Variants in ABLIM1 observed in about 807,000 individuals in gnomAD.
ABLIM1 encodes the protein actin-binding LIM protein 1.
A neutral mutation model predicts 107.0 loss-of-function variants in ABLIM1; 40 were observed. The observed-to-expected ratio is 0.37, with a 90% CI of 0.29 to 0.49. The LOEUF (loss-of-function observed/expected upper bound fraction) is 0.49, where lower values mean the gene tolerates loss of function less well. Ranked by LOEUF, ABLIM1 falls within the 20% of genes least tolerant of loss-of-function variation. ABLIM1 has a pLI of 0.97. For missense variants in ABLIM1, 857 were observed against 1,008.5 expected (o/e 0.85, Z 2.04); for synonymous variants, 357 against 357.3 (o/e 1.00, Z 0.01).
chr10:114,578,409 G>T (rs1239986349), intron 2 of ABLIM1, among the ~76,000 whole-genome samples: 26 of 141,402 alleles, frequency 1.8e-4, no homozygotes, highest in Non-Finnish European at 3.2e-4. Context: ...ATTTTCTGTT[G>T]TTTTTTTTTT....
At chr10:114,727,468 G>A (rs2081984021) in intron 1 of ABLIM1, among the ~76,000 whole-genome samples, 2 of 151,936 alleles carry the variant, frequency 1.3e-5, no homozygotes, top group Admixed American at 1.3e-4. Flanking sequence ...AAAAAAGGCT[G>A]GATAACCACT....
upstream of ABLIM1, among the ~76,000 whole-genome samples, chr10:114,772,482 C>A (rs1272205020): frequency 6.6e-6 from 1 of 152,030 alleles, no homozygotes; most frequent in Non-Finnish European, 1.5e-5. Context: ...TGGCTTGTGC[C>A]TGTAGTCCCA....
At chr10:114,546,055 T>A (rs900772456) in intron 5 of ABLIM1, among the ~76,000 whole-genome samples, 3 of 151,274 alleles carry the variant, frequency 2.0e-5, no homozygotes, top group African/African-American at 7.3e-5. Flanking sequence ...AGACACCACC[T>A]CCTCAGCTCT....
chr10:114,452,636 T>G (rs1296270555), intron 13 of ABLIM1, among the ~76,000 whole-genome samples: 1 of 152,196 alleles, frequency 6.6e-6, no homozygotes, highest in South Asian at 2.1e-4. Context: ...CAAAAAACAA[T>G]ATACTGCTGG....
At position 114,563,845 on chromosome 10, in the gene ABLIM1, C is replaced by CA. The variant is rs11285267; in HGVS notation, c.673+7451dup. Among the ~76,000 whole-genome samples the CA allele has an allele frequency of 4.6e-3, 367 of 79,778 alleles. 4 individuals carry two copies. In the East Asian group the frequency reaches 0.049, roughly 11 times the overall value. 52.3% of individuals were successfully genotyped at this position (79,778 alleles called of 152,430 possible). A position where few individuals can be genotyped will look rare whatever the true frequency, so the allele number is the denominator to read the frequency against. ...TGGGTGACAAAGAGAGGCTCCGTCT[C>CA]AAAAAAAAAAAAAAAAAAAATTAGC... On this transcript the variant is annotated intron_variant, in intron 4 of 22. Coordinates refer to ENST00000533213, the MANE Select transcript of ABLIM1 (RefSeq NM_002313.7).
chr10:114,706,445 T>C (rs1591855674), intron 1 of ABLIM1, among the ~76,000 whole-genome samples: 2 of 152,280 alleles, frequency 1.3e-5, no homozygotes, highest in South Asian at 4.1e-4. Context: ...AAATGTCTGC[T>C]GGCAATGATG....
chr10:114,773,296 G>C, the ABLIM1 span, among the ~76,000 whole-genome samples: 1 of 152,020 alleles, frequency 6.6e-6, no homozygotes, highest in Non-Finnish European at 1.5e-5. Context: ...TAAAAACAAA[G>C]ATAAGATCTA....
chr10:114,493,927 A>AT (rs2059341945), intron 6 of ABLIM1, among the ~76,000 whole-genome samples: 1 of 152,234 alleles, frequency 6.6e-6, no homozygotes, highest in Non-Finnish European at 1.5e-5. Flanking sequence ...GTGACAGAAT[A>AT]AATGCACACA....
chr10:114,699,104 C>G (rs200864425), intron 1 of ABLIM1, among the ~76,000 whole-genome samples: 2 of 115,252 alleles, frequency 1.7e-5, no homozygotes, highest in East Asian at 2.8e-4. Context: ...TTTTGCTTAG[C>G]AAAAAAAAAA....
rs544926752 is a variant in ABLIM1 at position 114,638,541 on chromosome 10, A to G, written c.244+19416T>C. Among the ~76,000 whole-genome samples the G allele has an allele frequency of 2.6e-5, 4 of 152,076 alleles. No individual in the cohort carries two copies. In the South Asian group the frequency reaches 8.3e-4, roughly 32 times the overall value. ...GAGAAAAGAGGTTGGTGAGAGGCCA[A>G]AGCCATGGGCCCTCTCTTTGGGTTA... On this transcript the variant is annotated intron_variant, in intron 1 of 22. Transcript: ENST00000533213.
intron 1 of ABLIM1, among the ~76,000 whole-genome samples, chr10:114,646,038 TA>T (rs1363638395): frequency 6.6e-6 from 1 of 152,174 alleles, no homozygotes; most frequent in Non-Finnish European, 1.5e-5. Context: ...TCGAAAGAGA[TA>T]CAGAAGGTAG....
chr10:114,667,422 T>G (rs2080071790), intron 1 of ABLIM1, among the ~76,000 whole-genome samples: 1 of 152,244 alleles, frequency 6.6e-6, no homozygotes, highest in African/African-American at 2.4e-5. Flanking sequence ...TTTTGTTTAT[T>G]CCTACACATA....
chr10:114,597,981 T>C (rs2075600776), intron 2 of ABLIM1, among the ~76,000 whole-genome samples: 1 of 152,124 alleles, frequency 6.6e-6, no homozygotes, highest in East Asian at 1.9e-4. Context: ...TTGAAATGTG[T>C]CTAGTCCAGG....
At chr10:114,652,355 T>C (rs2079288876) in intron 1 of ABLIM1, among the ~76,000 whole-genome samples, 1 of 152,210 alleles carries the variant, frequency 6.6e-6, no homozygotes, top group Admixed American at 6.5e-5. Flanking sequence ...AAAAATATTA[T>C]AGTGTTATAT....
chr10:114,552,089 G>A (rs1042438334), intron 4 of ABLIM1, among the ~76,000 whole-genome samples: 2 of 152,130 alleles, frequency 1.3e-5, no homozygotes, highest in African/African-American at 2.4e-5. Flanking sequence ...CAGCCCACGT[G>A]AGAATCCTGA....
intron 6 of ABLIM1, among the ~76,000 whole-genome samples, chr10:114,513,039 T>C (rs544192159): frequency 5.9e-5 from 9 of 151,590 alleles, no homozygotes; most frequent in Non-Finnish European, 1.0e-4. Flanking sequence ...ACCTGTACTC[T>C]CCATCCATCC....
chr10:114,590,070 C>A (rs1482394346), intron 2 of ABLIM1, among the ~76,000 whole-genome samples: 1 of 152,166 alleles, frequency 6.6e-6, no homozygotes, highest in Non-Finnish European at 1.5e-5. Flanking sequence ...TGTTTAGATA[C>A]ACAAATACTT....
At chr10:114,605,744 G>A (rs561986382) in intron 1 of ABLIM1, among the ~76,000 whole-genome samples, 1 of 152,168 alleles carries the variant, frequency 6.6e-6, no homozygotes, top group African/African-American at 2.4e-5. Context: ...AAAAGGTAAC[G>A]GGATTCCTCC....
At position 114,684,768 on chromosome 10, in the gene ABLIM1, A is replaced by C. The variant is rs571325649; in HGVS notation, c.-415T>G. 41 of 964,134 alleles carry C rather than the reference A, an allele frequency of 4.3e-5. No individual in the cohort carries two copies. In the African/African-American group the frequency reaches 6.8e-4, roughly 16 times the overall value. The allele number at this position is 964,134 out of a possible 1,614,324, so 59.7% of individuals were successfully genotyped here. A position where few individuals can be genotyped will look rare whatever the true frequency, so the allele number is the denominator to read the frequency against. On this transcript the variant is annotated 5_prime_UTR_variant, in exon 1 of 24. Coordinates refer to the ABLIM1 transcript ENST00000369256. ...ATCCAGAATCCAGATTTTGATCACT[A>C]TCATTTCACAATAACTGAAACACAT... is the stretch of plus-strand genomic sequence containing the variant.
Sources: allele counts gnomAD v4.1 joint callset (sites outside exome capture counted in the v4.1 genomes callset), GRCh38; gene constraint gnomAD v4.1.1; transcripts MANE v1.5; gene names NCBI Gene and HGNC (gene_info 2026-07-23, HGNC 2026-07-21).